The following SND1 variants were observed in gnomAD, a reference collection of about 807,000 sequenced individuals.
The protein encoded by SND1 is staphylococcal nuclease domain-containing protein 1.
SND1 carries 38 observed loss-of-function variants against 121.7 expected under a neutral mutation model. That is an observed-to-expected ratio of 0.31 (90% CI 0.24 to 0.41). The LOEUF (loss-of-function observed/expected upper bound fraction) is 0.41. SND1 is among the 10% of genes least tolerant of loss of function. SND1 has a pLI of 1.00. For missense variants in SND1, 868 were observed against 1,184.6 expected, an observed-to-expected ratio of 0.73 and a Z score of 3.92; for synonymous variants, 401 against 447.4, an observed-to-expected ratio of 0.90 and a Z score of 1.31.
chr7:127,937,886 G>A (rs150535092), intron 15 of SND1, among the ~76,000 whole-genome samples: 263 of 152,356 alleles, frequency 1.7e-3, no homozygotes, highest in Non-Finnish European at 2.5e-3. Flanking sequence ...ATCCCATTCT[G>A]CTATCACAGA....
intron 16 of SND1, among the ~76,000 whole-genome samples, chr7:128,045,376 A>G (rs942536115): frequency 6.6e-6 from 1 of 152,134 alleles, no homozygotes; most frequent in Non-Finnish European, 1.5e-5. Flanking sequence ...AGCAGTCCCT[A>G]TGGCCTCCAT....
At chr7:127,968,098 C>G (rs1046564895) in intron 15 of SND1, among the ~76,000 whole-genome samples, 1 of 152,192 alleles carries the variant, frequency 6.6e-6, no homozygotes, top group Non-Finnish European at 1.5e-5. Context: ...ACTTACCACT[C>G]CACCATTTCC....
intron 12 of SND1, among the ~76,000 whole-genome samples, chr7:127,876,941 G>A (rs1799701639): frequency 6.6e-6 from 1 of 152,086 alleles, no homozygotes; most frequent in Non-Finnish European, 1.5e-5. Context: ...GATGATTGAA[G>A]ATCAGGGAAA....
intron 16 of SND1, among the ~76,000 whole-genome samples, chr7:128,069,336 A>G (rs1034440148): frequency 6.6e-6 from 1 of 152,314 alleles, no homozygotes; most frequent in East Asian, 1.9e-4. Flanking sequence ...CATCACTGGC[A>G]TTTGTTGAAG....
intron 16 of SND1, chr7:128,030,762 G>C: frequency 7.8e-7 from 1 of 1,286,038 alleles, no homozygotes. Context: ...GGTGGGGAGG[G>C]GGCGATTAGA....
intron 12 of SND1, among the ~76,000 whole-genome samples, chr7:127,883,321 T>C (rs964217080): frequency 6.6e-6 from 1 of 152,126 alleles, no homozygotes. Flanking sequence ...TAAAATTCAA[T>C]TGTAGTAGGC....
intron 7 of SND1, among the ~76,000 whole-genome samples, chr7:127,704,153 G>A (rs948450734): frequency 4.6e-5 from 7 of 152,188 alleles, no homozygotes; most frequent in Admixed American, 3.3e-4. Flanking sequence ...ATTCTTAGAT[G>A]TAAGATGGCC....
intron 10 of SND1, among the ~76,000 whole-genome samples, chr7:127,793,800 C>T (rs1249743387): frequency 6.6e-6 from 1 of 152,074 alleles, no homozygotes; most frequent in Non-Finnish European, 1.5e-5. Flanking sequence ...TTCTTGCCCT[C>T]CTCCCCTCCA....
chr7:128,058,075 C>G (rs933959628), intron 16 of SND1, among the ~76,000 whole-genome samples: 5 of 152,376 alleles, frequency 3.3e-5, no homozygotes, highest in African/African-American at 1.2e-4. Flanking sequence ...ACACCCTGCC[C>G]TCTCTCAGAG....
chr7:127,747,862 G>T (rs1193552786), intron 10 of SND1, among the ~76,000 whole-genome samples: 1 of 152,098 alleles, frequency 6.6e-6, no homozygotes, highest in East Asian at 1.9e-4. Context: ...TCTAGTGTAG[G>T]GACAGACTAT....
intron 3 of SND1, 91 bp downstream of exon 3, chr7:127,695,039 G>T: frequency 1.3e-6 from 2 of 1,505,594 alleles, no homozygotes; most frequent in Non-Finnish European, 1.8e-6. Context: ...GTGGGTTCTG[G>T]TGGAGGAAGC....
intron 15 of SND1, among the ~76,000 whole-genome samples, chr7:127,955,488 CT>C (rs991947587): frequency 2.0e-5 from 3 of 152,156 alleles, no homozygotes; most frequent in Non-Finnish European, 2.9e-5. Context: ...TTCTCTCCCC[CT>C]AGCCAGTGGA....
chr7:128,031,439 T>C (rs1441370984), intron 16 of SND1: 1 of 151,488 alleles, frequency 6.6e-6, no homozygotes, highest in Non-Finnish European at 1.5e-5. Context: ...ATTGCGGTCG[T>C]GAGCTCGCGG....
In SND1 at chr7:127,887,939, A is replaced by G; in HGVS notation, c.1381A>G (p.Thr461Ala). ...GGCTCTTGTCAGCAAAGGTCTAGCCACAGTGATCAGATACCGGCAGGATGA... is the reference window on the plus strand; with the variant it reads ...GGCTCTTGTCAGCAAAGGTCTAGCCGCAGTGATCAGATACCGGCAGGATGA... Reference protein sequence around the residue: ...AEALVSKGLATVIRYRQDDDQ... With the variant: ...AEALVSKGLAAVIRYRQDDDQ... The change falls in exon 13 of 24, where the codon ACA (threonine) becomes GCA (alanine). Residue 461 changes from threonine to alanine, a missense_variant. Thr to Ala is a moderately conservative substitution (Grantham distance 58, BLOSUM62 0). This residue lies in a region of SND1 where 743 missense variants were observed against 1,071.3 expected (regional missense o/e 0.69). Transcript: ENST00000354725. 1 of 1,612,380 alleles carries G rather than the reference A, an allele frequency of 6.2e-7. No individual in the cohort carries two copies. Among genetic ancestry groups the G allele is most frequent in the Non-Finnish European group, 8.5e-7 (1 of 1,178,948 alleles).
intron 8 of SND1, 147 bp downstream of exon 8, chr7:127,705,092 T>C: frequency 1.5e-6 from 1 of 655,586 alleles, no homozygotes; most frequent in East Asian, 2.8e-5. Context: ...GAGGAGTGAC[T>C]TAAATATTGG....
At chr7:127,725,780 G>A (rs1054966269) in intron 10 of SND1, among the ~76,000 whole-genome samples, 3 of 152,240 alleles carry the variant, frequency 2.0e-5, no homozygotes, top group Non-Finnish European at 4.4e-5. Flanking sequence ...TGCAGAATAA[G>A]GAACTAGATG....
At chr7:127,822,689 G>T (rs1242806072) in intron 11 of SND1, among the ~76,000 whole-genome samples, 1 of 152,056 alleles carries the variant, frequency 6.6e-6, no homozygotes, top group Non-Finnish European at 1.5e-5. Flanking sequence ...TTTTTTAAAT[G>T]CACTTGTGTT....
chr7:127,998,012 G>T (rs778568630), intron 16 of SND1: 2 of 526,852 alleles, frequency 3.8e-6, no homozygotes, highest in Non-Finnish European at 7.9e-6. Context: ...TATGACCCAA[G>T]TCTCTCCCCA....
chr7:127,672,021 C>G (rs1425216516), intron 1 of SND1, among the ~76,000 whole-genome samples: 1 of 152,168 alleles, frequency 6.6e-6, no homozygotes, highest in Non-Finnish European at 1.5e-5. Flanking sequence ...ATAGGCAACT[C>G]AAAGTTTTGC....
Sources: gnomAD v4.1 joint callset for allele counts (sites outside exome capture counted in the v4.1 genomes callset) on GRCh38, gnomAD v4.1.1 for gene constraint, gnomAD v4.1.1 regional missense constraint, MANE v1.5 for transcripts, NCBI Gene and HGNC (gene_info 2026-07-23, HGNC 2026-07-21) for gene names.